Variants in UGT1A6 observed in about 807,000 individuals in gnomAD.
UGT1A6 encodes UDP glucuronosyltransferase family 1 member A6.
In UGT1A6, 32 loss-of-function variants were observed where a neutral mutation model predicts 44.4. That is an observed-to-expected ratio of 0.72 (90% CI 0.54 to 0.97). The LOEUF (loss-of-function observed/expected upper bound fraction) is 0.97. UGT1A6 is among the 50% of genes least tolerant of loss of function. The pLI is 0.00. For missense variants in UGT1A6, 685 were observed against 661.9 expected (o/e 1.03, Z -0.38); for synonymous variants, 238 against 248.5 (o/e 0.96, Z 0.40).
chr2:233,741,319 C>A (rs2125834585), intron 1 of UGT1A6, among the ~76,000 whole-genome samples: 1 of 151,674 alleles, frequency 6.6e-6, no homozygotes, highest in South Asian at 2.1e-4. Flanking sequence ...CCAACTCATT[C>A]TACTCTACCC....
At chr2:233,724,466 G>A (rs1369027656) in intron 1 of UGT1A6, among the ~76,000 whole-genome samples, 1 of 77,178 alleles carries the variant, frequency 1.3e-5, no homozygotes, top group African/African-American at 4.9e-5. Context: ...GGGCGGAGGG[G>A]CTCCTCACTT....
intron 1 of UGT1A6, among the ~76,000 whole-genome samples, chr2:233,745,628 G>GA (rs922569313): frequency 1.5e-4 from 22 of 151,674 alleles, no homozygotes; most frequent in Non-Finnish European, 1.8e-4. Context: ...AACAGTCATA[G>GA]AAAGCTGGCC....
At chr2:233,753,630 C>T (rs897661378) in intron 1 of UGT1A6, 6 of 152,296 alleles carry the variant, frequency 3.9e-5, no homozygotes, top group Middle Eastern at 3.4e-3. Flanking sequence ...GGGCATAACC[C>T]GTGCCAACAC....
chr2:233,724,371 C>A (rs1285685419), intron 1 of UGT1A6, among the ~76,000 whole-genome samples: 1 of 147,620 alleles, frequency 6.8e-6, no homozygotes, highest in Non-Finnish European at 1.5e-5. Flanking sequence ...GACGGGGTGG[C>A]TGCCGGGCGG....
chr2:233,746,991 T>G (rs560743202), intron 1 of UGT1A6, among the ~76,000 whole-genome samples: 1 of 151,932 alleles, frequency 6.6e-6, no homozygotes, highest in Non-Finnish European at 1.5e-5. Context: ...CAGGGTCAGA[T>G]GAGTTTTTCA....
chr2:233,726,932 C>A (rs1467688667), intron 1 of UGT1A6, among the ~76,000 whole-genome samples: 1 of 151,974 alleles, frequency 6.6e-6, no homozygotes, highest in East Asian at 1.9e-4. Flanking sequence ...TTCCTTTTTT[C>A]ATTTTTAAAA....
rs527538087 is a variant in UGT1A6, at chr2:233,704,924, A to G, written c.861+11059A>G. 2.6e-5 allele frequency among the ~76,000 whole-genome samples: 4 copies of G among 152,248 alleles called. No individual in the cohort carries two copies. The East Asian group carries it at 7.7e-4, about 29-fold the overall frequency. On this transcript the variant is annotated intron_variant, in intron 1 of 4. Transcript: ENST00000305139. Reference sequence around the variant, plus strand: ...TGAGGCAGGTGGATCACCTGAGACCAGCCTAGATCAAGACCAGCCTGGCCA... The same window carrying G: ...TGAGGCAGGTGGATCACCTGAGACCGGCCTAGATCAAGACCAGCCTGGCCA...
At chr2:233,742,599 A>G (rs1331499090) in intron 1 of UGT1A6, among the ~76,000 whole-genome samples, 1 of 151,848 alleles carries the variant, frequency 6.6e-6, no homozygotes, top group Non-Finnish European at 1.5e-5. Context: ...GCAACCTACC[A>G]TAGTTGGAGA....
In UGT1A6 at chr2:233,772,560, G is replaced by A. The variant is rs773424672; in HGVS notation, c.*1G>A. On this transcript the variant is annotated 3_prime_UTR_variant, in exon 5 of 5. Coordinates refer to ENST00000305139, the MANE Select transcript of UGT1A6 (RefSeq NM_001072.4). Reference sequence around the variant, plus strand: ...AGCCCACAAATCCAAGACCCATTGAGAAGTGGGTGGGAAATAAGGTAAAAT... The same window carrying A: ...AGCCCACAAATCCAAGACCCATTGAAAAGTGGGTGGGAAATAAGGTAAAAT... 4 of 1,613,722 alleles carry A rather than the reference G, an allele frequency of 2.5e-6. No homozygotes were observed. The South Asian group carries it at 3.3e-5, about 13-fold the overall frequency.
Position 233,768,325 on chromosome 2 carries a change from A to G in UGT1A6, c.1187A>G (p.Gln396Arg). 2.5e-6 allele frequency: 4 copies of G among 1,614,222 alleles called. No homozygotes were observed. The highest frequency in any genetic ancestry group is 3.4e-6 in the Non-Finnish European group (4 of 1,180,032). ...PMVMMPLFGDQMDNAKRMETK... is the reference protein window; with the variant it reads ...PMVMMPLFGDRMDNAKRMETK... ...GTGATGATGCCCTTGTTTGGTGATCAGATGGACAATGCAAAGCGCATGGAG... is the reference window on the plus strand; with the variant it reads ...GTGATGATGCCCTTGTTTGGTGATCGGATGGACAATGCAAAGCGCATGGAG... The change falls in exon 4 of 5, where the codon CAG becomes CGG. Residue 396 changes from glutamine (Q) to arginine (R), a missense_variant. Physicochemically the swap from Gln to Arg is conservative, Grantham distance 43 (BLOSUM62 1). Coordinates refer to ENST00000305139, the MANE Select transcript of UGT1A6 (RefSeq NM_001072.4).
rs1105880 is a variant in UGT1A6, at chr2:233,693,319, A to G, written c.315A>G (p.Leu105=). 0.35 allele frequency: 562,647 copies of G among 1,613,864 alleles called. 100,186 individuals are homozygous for G. Among genetic ancestry groups the G allele is most frequent in the South Asian group, 0.44 (40,333 of 91,054 alleles). ...GNNHFAERSF[L]TAPQTEYRNN... Reference sequence around the variant, plus strand: ...ATCACTTTGCTGAGCGATCATTCCTAACTGCTCCTCAGACAGAGTACAGGA... The same window carrying G: ...ATCACTTTGCTGAGCGATCATTCCTGACTGCTCCTCAGACAGAGTACAGGA... The change falls in exon 1 of 5, where the codon CTA becomes CTG. Residue 105 remains leucine (L), a synonymous_variant. Coordinates refer to ENST00000305139, the MANE Select transcript of UGT1A6 (RefSeq NM_001072.4).
intron 1 of UGT1A6, among the ~76,000 whole-genome samples, chr2:233,725,490 G>T (rs542689319): frequency 1.3e-5 from 2 of 151,958 alleles, no homozygotes; most frequent in Non-Finnish European, 2.9e-5. Context: ...CCAGCAAAAA[G>T]AAACCACTGA....
chr2:233,717,883 G>A lies in UGT1A6; in HGVS notation c.861+24018G>A, dbSNP rs778761780. On this transcript the variant is annotated intron_variant, in intron 1 of 4. Transcript: ENST00000305139. ...CTGGATTGACTTGGAGAAAAGCCTG[G>A]CCATAATCTTCAGGATGAAATAAAG... 1.6e-4 allele frequency: 73 copies of A among 454,720 alleles called. 1 individual carries two copies. The highest frequency in any genetic ancestry group is 9.9e-4 in the South Asian group (64 of 64,482). 28.2% of individuals were successfully genotyped at this position (454,720 alleles called of 1,614,324 possible).
chr2:233,725,139 A>G lies in UGT1A6; in HGVS notation c.861+31274A>G, dbSNP rs1329392712. ...TGCAGTGAGCCGAGATGGCAGCAGTACAGTCCAGCTTCGGCTCTGCATGAG... is the reference window on the plus strand; with the variant it reads ...TGCAGTGAGCCGAGATGGCAGCAGTGCAGTCCAGCTTCGGCTCTGCATGAG... On this transcript the variant is annotated intron_variant, in intron 1 of 4. Transcript: ENST00000305139. Among the ~76,000 whole-genome samples, 4 of 132,800 alleles carry G rather than the reference A, an allele frequency of 3.0e-5. 1 individual carries two copies. The highest frequency in any genetic ancestry group is 6.3e-5 in the Non-Finnish European group (4 of 63,650). The allele number at this position is 132,800 out of a possible 152,430, so 87.1% of individuals were successfully genotyped here. A position where few individuals can be genotyped will look rare whatever the true frequency, so the allele number is the denominator to read the frequency against.
chr2:233,769,562 A>C lies in UGT1A6; in HGVS notation c.1301+1123A>C. The C allele has an allele frequency of 6.2e-7, 1 of 1,612,906 alleles. No homozygotes were observed. The highest frequency in any genetic ancestry group is 8.5e-7 in the Non-Finnish European group (1 of 1,179,830). ...GCAGCAGTCAGGAAGACAGATGTGA[A>C]GAGCTGGAGCATGTTCAGATGAGAG... On this transcript the variant is annotated intron_variant, in intron 4 of 4. Transcript: ENST00000305139. The surrounding 1 kb of genome is among the most constrained non-coding windows in gnomAD (Gnocchi z 4.4).
rs545970311 is a variant in UGT1A6, at chr2:233,731,854, C to T, written c.862-35180C>T. On this transcript the variant is annotated intron_variant, in intron 1 of 4. Coordinates refer to ENST00000305139, the MANE Select transcript of UGT1A6 (RefSeq NM_001072.4). The stretch of plus-strand genomic sequence containing the variant: ...TTCTAGTTCTAGGTCCTTGAGGAAT[C>T]GCCACACTGTCTTCCACAATGGTTG... 1.3e-4 allele frequency among the ~76,000 whole-genome samples: 20 copies of T among 152,300 alleles called. No individual in the cohort carries two copies. The East Asian group carries it at 2.7e-3, about 21-fold the overall frequency.
chr2:233,737,724 T>C (rs2078915957), intron 1 of UGT1A6, among the ~76,000 whole-genome samples: 1 of 152,142 alleles, frequency 6.6e-6, no homozygotes, highest in South Asian at 2.1e-4. Flanking sequence ...ACACCTCCTT[T>C]TTTTTTCCTT....
intron 1 of UGT1A6, among the ~76,000 whole-genome samples, chr2:233,764,916 G>T (rs906085592): frequency 6.6e-6 from 1 of 152,212 alleles, no homozygotes; most frequent in Non-Finnish European, 1.5e-5. Flanking sequence ...GAGGACTCAC[G>T]AGGGCCTGGG....
chr2:233,758,786 G>T (rs1696976610), intron 1 of UGT1A6, among the ~76,000 whole-genome samples: 1 of 152,212 alleles, frequency 6.6e-6, no homozygotes, highest in Admixed American at 6.5e-5. Context: ...GATCTGTGCA[G>T]TTATCTTGGA....
Sources: allele counts gnomAD v4.1 joint callset (sites outside exome capture counted in the v4.1 genomes callset), GRCh38; gene constraint gnomAD v4.1.1; non-coding constraint Gnocchi (gnomAD v3.1); transcripts MANE v1.5; gene names NCBI Gene and HGNC (gene_info 2026-07-23, HGNC 2026-07-21).